The following PPP2R3A variants were observed in gnomAD, a reference collection of about 807,000 sequenced individuals.
PPP2R3A encodes the protein protein phosphatase 2 regulatory subunit B''alpha, also known as serine/threonine-protein phosphatase 2A regulatory subunit B'' subunit alpha.
A neutral mutation model predicts 106.9 loss-of-function variants in PPP2R3A; 80 were observed. The ratio of observed to expected loss-of-function variants is 0.75; its 90% CI spans 0.62 to 0.90. The LOEUF (loss-of-function observed/expected upper bound fraction) is 0.90, where lower values mean the gene tolerates loss of function less well. Among genes scored for constraint, PPP2R3A ranks in the 40% least tolerant of loss-of-function variants. The probability of loss-of-function intolerance (pLI) is 0.00; values close to 1 mark genes in which losing one functional copy is unlikely to be tolerated. For missense variants in PPP2R3A, 1,386 were observed against 1,350.4 expected (o/e 1.03, Z -0.41); for synonymous variants, 483 against 468.3 (o/e 1.03, Z -0.41).
chr3:136,087,430 G>C (rs1411151478), intron 8 of PPP2R3A: 5 of 152,546 alleles, frequency 3.3e-5, no homozygotes, highest in Non-Finnish European at 7.3e-5. Context: ...AAGTATGTTT[G>C]TAGTGTGTTT....
chr3:136,048,080 A>G (rs1460749320), intron 4 of PPP2R3A, among the ~76,000 whole-genome samples: 4 of 152,078 alleles, frequency 2.6e-5, no homozygotes, highest in East Asian at 3.9e-4. Context: ...AAACCCGTAC[A>G]TGTACCCCTG....
intron 2 of PPP2R3A, 88 bp downstream of exon 2, chr3:136,003,581 C>A: frequency 7.8e-7 from 1 of 1,280,642 alleles, no homozygotes; most frequent in Non-Finnish European, 1.1e-6. Context: ...TTTTGTTAGC[C>A]ATTTTTTGTT....
intron 8 of PPP2R3A, among the ~76,000 whole-genome samples, chr3:136,083,657 T>A (rs970147062): frequency 6.6e-6 from 1 of 152,116 alleles, no homozygotes; most frequent in Admixed American, 6.6e-5. Flanking sequence ...TAGGCAGAGG[T>A]TGGAACAGTT....
At chr3:135,981,855 G>A (rs553332241) in intron 1 of PPP2R3A, among the ~76,000 whole-genome samples, 2 of 151,938 alleles carry the variant, frequency 1.3e-5, no homozygotes, top group East Asian at 3.9e-4. Flanking sequence ...TGAGGTCAGG[G>A]AGGTGGTTAG....
chr3:136,009,830 G>C (rs1046800735), intron 2 of PPP2R3A, among the ~76,000 whole-genome samples: 2 of 152,038 alleles, frequency 1.3e-5, no homozygotes, highest in Non-Finnish European at 2.9e-5. Context: ...TCATTTCATG[G>C]TACCCACCTG....
Position 136,002,401 on chromosome 3 carries a change from T to C in PPP2R3A, c.903T>C (p.Asn301=). Residue 301 remains asparagine (N), a synonymous_variant, in exon 2 of 14, where the codon AAT becomes AAC. Coordinates refer to ENST00000264977, the MANE Select transcript of PPP2R3A (RefSeq NM_002718.5). ...CATTTGAATTCATGCAGTCTGGGAA[T>C]AATGAGGCTCTAGATTTAACAGAAC... The part of the protein sequence containing the change: ...KLPFEFMQSG[N]NEALDLTELI... 6.2e-7 allele frequency: 1 copy of C among 1,614,054 alleles called. No homozygotes were observed.
chr3:135,983,918 C>G (rs1251349714), intron 1 of PPP2R3A, among the ~76,000 whole-genome samples: 1 of 152,140 alleles, frequency 6.6e-6, no homozygotes, highest in African/African-American at 2.4e-5. Context: ...TTAAGAGTCA[C>G]CTGTAAATTT....
At chr3:135,991,861 G>C (rs976866662) in intron 1 of PPP2R3A, among the ~76,000 whole-genome samples, 1 of 152,000 alleles carries the variant, frequency 6.6e-6, no homozygotes, top group Admixed American at 6.6e-5. Flanking sequence ...GTTTTTAAGC[G>C]CTTCCTAATT....
chr3:135,981,417 A>T (rs1056955858), intron 1 of PPP2R3A, among the ~76,000 whole-genome samples: 1 of 151,726 alleles, frequency 6.6e-6, no homozygotes, highest in African/African-American at 2.4e-5. Flanking sequence ...AACTCTCAGA[A>T]ATGGTCAGTA....
intron 1 of PPP2R3A, among the ~76,000 whole-genome samples, chr3:135,989,487 T>C (rs545667844): frequency 1.3e-5 from 2 of 151,590 alleles, no homozygotes; most frequent in South Asian, 4.2e-4. Context: ...TCATTTATAG[T>C]GTGTGTTGGG....
At chr3:135,988,352 A>G (rs1933015541) in intron 1 of PPP2R3A, among the ~76,000 whole-genome samples, 1 of 151,952 alleles carries the variant, frequency 6.6e-6, no homozygotes, top group African/African-American at 2.4e-5. Context: ...TCTACTTTCA[A>G]AATATATCCA....
intron 13 of PPP2R3A, among the ~76,000 whole-genome samples, chr3:136,137,846 C>CA (rs1275916915): frequency 6.6e-6 from 1 of 152,008 alleles, no homozygotes; most frequent in Non-Finnish European, 1.5e-5. Context: ...CGGCCTCTGT[C>CA]AGAGATCTAC....
chr3:136,059,314 C>A (rs866504090), intron 5 of PPP2R3A, among the ~76,000 whole-genome samples: 1 of 151,488 alleles, frequency 6.6e-6, no homozygotes, highest in African/African-American at 2.4e-5. Flanking sequence ...AAAAAGTGAG[C>A]AAAATACATG....
intron 2 of PPP2R3A, among the ~76,000 whole-genome samples, chr3:136,008,420 G>T (rs1325093354): frequency 1.3e-5 from 2 of 152,174 alleles, no homozygotes; most frequent in Non-Finnish European, 2.9e-5. Context: ...TGGCAAATAG[G>T]AATTTGTGGA....
At chr3:136,092,420 A>G (rs959147379) in intron 10 of PPP2R3A, among the ~76,000 whole-genome samples, 1 of 152,228 alleles carries the variant, frequency 6.6e-6, no homozygotes, top group Non-Finnish European at 1.5e-5. Flanking sequence ...TCCCAAACTG[A>G]TCTACAGATT....
In PPP2R3A at chr3:136,089,820, T is replaced by G. The variant is rs183449482; in HGVS notation, c.2838-758T>G. Among the ~76,000 whole-genome samples the G allele has an allele frequency of 1.5e-3, 230 of 152,278 alleles. 3 individuals are homozygous for G. The highest frequency in any genetic ancestry group is 4.9e-3 in the African/African-American group (204 of 41,556). On this transcript the variant is annotated intron_variant, in intron 9 of 13. Transcript: ENST00000264977. ...GTCCTCCCTGTAGAGATTTTTCACC[T>G]CCTTGGTTAGCTGTATTCCTAGGTA...
intron 4 of PPP2R3A, among the ~76,000 whole-genome samples, chr3:136,048,364 A>C (rs138469127): frequency 1.3e-5 from 2 of 152,258 alleles, no homozygotes; most frequent in East Asian, 3.9e-4. Flanking sequence ...AGGCCCTTCT[A>C]TGTCAGGTCA....
Position 136,145,422 on chromosome 3 carries a change from C to G in PPP2R3A, c.*256C>G. The G allele has an allele frequency of 7.1e-6, 2 of 283,570 alleles. No individual in the cohort carries two copies. The highest frequency in any genetic ancestry group is 8.4e-5 in the South Asian group (2 of 23,946). 17.6% of individuals were successfully genotyped at this position (283,570 alleles called of 1,614,324 possible). On this transcript the variant is annotated 3_prime_UTR_variant, in exon 14 of 14. Coordinates refer to ENST00000264977, the MANE Select transcript of PPP2R3A (RefSeq NM_002718.5). ...CGCCTTCCAAAGTCAGCACTCTACA[C>G]TCTTGAATGTACCAAGGATCTCTTG...
intron 5 of PPP2R3A, among the ~76,000 whole-genome samples, chr3:136,069,480 G>A (rs1936361866): frequency 6.6e-6 from 1 of 152,166 alleles, no homozygotes; most frequent in Non-Finnish European, 1.5e-5. Flanking sequence ...AAGAGGCTGA[G>A]GGATGAGAAT....
Sources: gnomAD v4.1 joint callset for allele counts (sites outside exome capture counted in the v4.1 genomes callset) on GRCh38, gnomAD v4.1.1 for gene constraint, MANE v1.5 for transcripts, NCBI Gene and HGNC (gene_info 2026-07-23, HGNC 2026-07-21) for gene names.